The following DPP6 variants were observed in gnomAD, a reference collection of about 807,000 sequenced individuals.
The protein encoded by DPP6 is dipeptidyl peptidase like 6, also known as A-type potassium channel modulatory protein DPP6.
In DPP6, 69 loss-of-function variants were observed where a neutral mutation model predicts 122.6. The ratio of observed to expected loss-of-function variants is 0.56; its 90% CI spans 0.46 to 0.69. The LOEUF (loss-of-function observed/expected upper bound fraction) is 0.69, where lower values mean the gene tolerates loss of function less well. DPP6 is among the 30% of genes least tolerant of loss of function. The pLI, the probability that DPP6 is intolerant of heterozygous loss-of-function variation, is 0.00. For synonymous variants in DPP6, 418 were observed against 433.1 expected (o/e 0.97, Z 0.43); for missense variants, 928 against 1,116.9 (o/e 0.83, Z 2.41).
At chr7:154,008,823 G>A (rs1304870881) in intron 1 of DPP6, among the ~76,000 whole-genome samples, 5 of 151,530 alleles carry the variant, frequency 3.3e-5, no homozygotes, top group Non-Finnish European at 7.4e-5. Flanking sequence ...CACTACGCCC[G>A]GCTAATTTTT....
intron 3 of DPP6, among the ~76,000 whole-genome samples, chr7:154,510,190 A>T (rs1428339343): frequency 6.6e-6 from 1 of 152,220 alleles, no homozygotes; most frequent in Non-Finnish European, 1.5e-5. Context: ...TGCAACACTC[A>T]TGGCAGGTCC....
the DPP6 span, among the ~76,000 whole-genome samples, chr7:153,850,768 T>C: frequency 0.15 from 23,296 of 152,184 alleles, 2,195 homozygotes; most frequent in Non-Finnish European, 0.22. Flanking sequence ...GTGAGACTTA[T>C]TCACTATCAC....
At chr7:153,949,686 C>T (rs1211065488) in intron 1 of DPP6, among the ~76,000 whole-genome samples, 1 of 152,236 alleles carries the variant, frequency 6.6e-6, no homozygotes, top group African/African-American at 2.4e-5. Flanking sequence ...GCATATGTCC[C>T]TGATAAACTT....
intron 3 of DPP6, among the ~76,000 whole-genome samples, chr7:154,521,223 A>C (rs1284879023): frequency 4.6e-5 from 7 of 152,178 alleles, no homozygotes; most frequent in African/African-American, 1.7e-4. Context: ...ATAAATTTTT[A>C]AGGATTTTTA....
At chr7:153,816,562 C>G in the DPP6 span, among the ~76,000 whole-genome samples, 3 of 152,280 alleles carry the variant, frequency 2.0e-5, no homozygotes, top group South Asian at 4.2e-4. Context: ...CCCTCTCTTC[C>G]TTTAAAATGA....
At chr7:154,883,118 T>G (rs1380405894) in intron 21 of DPP6, among the ~76,000 whole-genome samples, 1 of 128,756 alleles carries the variant, frequency 7.8e-6, no homozygotes, top group East Asian at 2.6e-4. Flanking sequence ...CACATACATG[T>G]GCTCACACAT....
intron 1 of DPP6, among the ~76,000 whole-genome samples, chr7:154,152,928 T>A (rs1394460030): frequency 1.3e-5 from 2 of 152,254 alleles, no homozygotes; most frequent in African/African-American, 4.8e-5. Flanking sequence ...GTTACGTACA[T>A]AATTACAAGC....
At chr7:154,310,325 G>T (rs553495530) in intron 1 of DPP6, among the ~76,000 whole-genome samples, 5 of 152,338 alleles carry the variant, frequency 3.3e-5, no homozygotes, top group Non-Finnish European at 5.9e-5. Context: ...GGCGGCATGC[G>T]CTGTGCTCTG....
intron 16 of DPP6, among the ~76,000 whole-genome samples, chr7:154,846,068 G>A (rs574981526): frequency 1.6e-4 from 25 of 152,244 alleles, no homozygotes; most frequent in South Asian, 8.3e-4. Flanking sequence ...GATGAGTCTC[G>A]GCCAACAGCA....
intron 1 of DPP6, among the ~76,000 whole-genome samples, chr7:154,166,960 A>G (rs1300066034): frequency 6.7e-6 from 1 of 148,838 alleles, no homozygotes; most frequent in East Asian, 1.9e-4. Context: ...ACACCACTGC[A>G]CTCCAGCCTG....
intron 5 of DPP6, among the ~76,000 whole-genome samples, chr7:154,574,707 GTGTA>G (rs1249222311): frequency 2.8e-5 from 4 of 142,066 alleles, no homozygotes; most frequent in East Asian, 2.3e-4. Flanking sequence ...TGTGGTGTGT[GTGTA>G]TGTGTGTGTG....
chr7:154,673,179 A>G (rs1838676184), intron 7 of DPP6, among the ~76,000 whole-genome samples: 6 of 152,228 alleles, frequency 3.9e-5, no homozygotes, highest in Admixed American at 2.0e-4. Context: ...TATTTTAAAA[A>G]GTAAATATTG....
intron 5 of DPP6, among the ~76,000 whole-genome samples, chr7:154,592,011 C>T (rs937468743): frequency 3.9e-5 from 6 of 152,176 alleles, no homozygotes; most frequent in Non-Finnish European, 8.8e-5. Flanking sequence ...AGTGGTGCCA[C>T]CTGCGTAGGA....
Position 154,821,628 on chromosome 7 carries a change from G to GTA in DPP6, c.1666+14533_1666+14534dup, listed in dbSNP as rs71184038. Among the ~76,000 whole-genome samples, 2,234 of 68,238 alleles carry GTA rather than the reference G, an allele frequency of 0.033. 39 individuals carry two copies. The highest frequency in any genetic ancestry group is 0.059 in the African/African-American group (1,087 of 18,462). The allele number at this position is 68,238 out of a possible 152,430, so 44.8% of individuals were successfully genotyped here. A position where few individuals can be genotyped will look rare whatever the true frequency, so the allele number is the denominator to read the frequency against. ...ATATATATATATATATTTTTTTTCT[G>GTA]TATATATATATATATATACACATAT... is the stretch of plus-strand genomic sequence containing the variant. On this transcript the variant is annotated intron_variant, in intron 16 of 25. Coordinates refer to ENST00000377770, the MANE Select transcript of DPP6 (RefSeq NM_130797.4). This position sits in a 1 kb window ranked among gnomAD's most constrained non-coding sequence, Gnocchi z 4.2.
intron 5 of DPP6, among the ~76,000 whole-genome samples, chr7:154,628,306 G>T (rs73727332): frequency 6.6e-6 from 1 of 152,194 alleles, no homozygotes; most frequent in African/African-American, 2.4e-5. Flanking sequence ...AAGCAAAAGA[G>T]ACCAGGCCTA....
At chr7:154,149,762 C>T (rs573879082) in intron 1 of DPP6, among the ~76,000 whole-genome samples, 5 of 152,252 alleles carry the variant, frequency 3.3e-5, no homozygotes, top group African/African-American at 4.8e-5. Context: ...GAAGAGAAGA[C>T]GGAGCAATGG....
chr7:154,312,688 G>A (rs539477696), intron 1 of DPP6, among the ~76,000 whole-genome samples: 7 of 152,264 alleles, frequency 4.6e-5, no homozygotes, highest in Non-Finnish European at 7.4e-5. Flanking sequence ...TGGTGATGGC[G>A]GGGCTCTCTC....
At position 154,889,432 on chromosome 7, in the gene DPP6, CTTTTTT is replaced by C. The variant is rs11335725; in HGVS notation, c.2378-12_2378-7del. On this transcript the variant is annotated intron_variant, in intron 24 of 25. Transcript: ENST00000377770. ...TGGGTTTTAACAAATGTCTTCCTCT[CTTTTTT>C]TTTTTTTTTTTTGCACAGAAAAAAT... 76 of 1,493,960 alleles carry C rather than the reference CTTTTTT, an allele frequency of 5.1e-5. No individual in the cohort carries two copies. The highest frequency in any genetic ancestry group is 1.8e-4 in the Middle Eastern group (1 of 5,480). The allele number at this position is 1,493,960 out of a possible 1,614,324, so 92.5% of individuals were successfully genotyped here. A position where few individuals can be genotyped will look rare whatever the true frequency, so the allele number is the denominator to read the frequency against.
rs1584899124 is a variant in DPP6, at chr7:154,853,760, C to T, written c.1667-20C>T. Reference sequence around the variant, plus strand: ...GGCTTCGTTTTTGTTTTCTTCCTGGCTATTCTCTACCCAACACAGGTCCTG... The same window carrying T: ...GGCTTCGTTTTTGTTTTCTTCCTGGTTATTCTCTACCCAACACAGGTCCTG... On this transcript the variant is annotated intron_variant, in intron 16 of 25. Coordinates refer to ENST00000377770, the MANE Select transcript of DPP6 (RefSeq NM_130797.4). The T allele has an allele frequency of 1.2e-6, 2 of 1,610,364 alleles. No individual in the cohort carries two copies. The highest frequency in any genetic ancestry group is 1.1e-5 in the South Asian group (1 of 90,056).
Sources: allele counts gnomAD v4.1 joint callset (sites outside exome capture counted in the v4.1 genomes callset), GRCh38; gene constraint gnomAD v4.1.1; non-coding constraint Gnocchi (gnomAD v3.1); transcripts MANE v1.5; gene names NCBI Gene and HGNC (gene_info 2026-07-23, HGNC 2026-07-21).